Variants in INTS4 observed in about 807,000 individuals in gnomAD.
INTS4 encodes integrator complex subunit 4, also known as MSTP093.
In INTS4, 70 loss-of-function variants were observed where a neutral mutation model predicts 119.5. That is an observed-to-expected ratio of 0.59 (90% CI 0.48 to 0.71). The LOEUF (loss-of-function observed/expected upper bound fraction) is 0.71. Ranked by LOEUF, INTS4 falls within the 30% of genes least tolerant of loss-of-function variation. The pLI is 0.00. For missense variants in INTS4, 867 were observed against 1,173.2 expected, an observed-to-expected ratio of 0.74 and a Z score of 3.81; for synonymous variants, 316 against 419.6, an observed-to-expected ratio of 0.75 and a Z score of 3.02.
intron 4 of INTS4, chr11:77,977,822 G>C (rs1045819978): frequency 6.6e-6 from 1 of 151,564 alleles, no homozygotes; most frequent in East Asian, 1.9e-4. Flanking sequence ...TCCTCTCACA[G>C]GGGAGACGTA....
chr11:77,967,630 T>A (rs928064055), intron 4 of INTS4, among the ~76,000 whole-genome samples: 10 of 152,118 alleles, frequency 6.6e-5, no homozygotes, highest in Admixed American at 5.2e-4. Context: ...CATGAACAAG[T>A]CAAACGTCAT....
chr11:77,979,977 CAAAAAAAAA>C lies in INTS4; in HGVS notation c.365-884_365-876del, dbSNP rs1254017443. On this transcript the variant is annotated intron_variant, in intron 3 of 22. Coordinates refer to ENST00000534064, the MANE Select transcript of INTS4 (RefSeq NM_033547.4). ...TAGGCGACAGAGCAAGACTCCATCT[CAAAAAAAAA>C]AAAAAAAAGAAGAAACAGAAAAAAA... 3.3e-3 allele frequency among the ~76,000 whole-genome samples: 138 copies of C among 41,686 alleles called. No individual in the cohort carries two copies. In the Middle Eastern group the frequency reaches 0.071, roughly 22 times the overall value. The allele number at this position is 41,686 out of a possible 152,430, so 27.3% of individuals were successfully genotyped here. A position where few individuals can be genotyped will look rare whatever the true frequency, so the allele number is the denominator to read the frequency against.
At chr11:77,876,832 T>G (rs1951608281), downstream of INTS4, 2 of 598,060 alleles carry the variant, frequency 3.3e-6, no homozygotes, top group Non-Finnish European at 6.0e-6. Flanking sequence ...CTTGGAGGAT[T>G]TTTATAAAAG....
Position 77,964,915 on chromosome 11 carries a change from A to T in INTS4, c.472-3777T>A, listed in dbSNP as rs117102377. 4.8e-4 allele frequency among the ~76,000 whole-genome samples: 73 copies of T among 152,298 alleles called. No individual in the cohort carries two copies. The East Asian group carries it at 0.013, about 27-fold the overall frequency. On this transcript the variant is annotated intron_variant, in intron 4 of 22. Transcript: ENST00000534064. ...CACAAATTATCTATTTTTGATTTTA[A>T]TGTTTTATTATAGTCATAGTTATAT...
At position 77,969,217 on chromosome 11, in the gene INTS4, G is replaced by A. The variant is rs780807503; in HGVS notation, c.472-8079C>T. On this transcript the variant is annotated intron_variant, in intron 4 of 22. Transcript: ENST00000534064. ...CCCAGAGTGCTGGGATTACAAGTGT[G>A]AGCCACCATGCCAGGCCTGAAGTAT... Among the ~76,000 whole-genome samples the A allele has an allele frequency of 5.9e-5, 9 of 152,252 alleles. No individual in the cohort carries two copies. In the East Asian group the frequency reaches 7.7e-4, roughly 13 times the overall value.
intron 18 of INTS4, among the ~76,000 whole-genome samples, chr11:77,901,002 A>C (rs1952761628): frequency 6.6e-6 from 1 of 152,252 alleles, no homozygotes; most frequent in Non-Finnish European, 1.5e-5. Context: ...AGATTTGAAC[A>C]AAGTAGTCTG....
intron 10 of INTS4, among the ~76,000 whole-genome samples, chr11:77,938,138 C>T (rs1488836997): frequency 5.9e-5 from 9 of 151,894 alleles, no homozygotes; most frequent in Admixed American, 4.6e-4. Context: ...TGAGCCACCA[C>T]GCCTGGCCCA....
At chr11:77,924,232 T>TAA (rs71046926) in intron 12 of INTS4, among the ~76,000 whole-genome samples, 2,312 of 142,662 alleles carry the variant, frequency 0.016, 54 homozygotes, top group African/African-American at 0.054. Flanking sequence ...CCATCTCTAC[T>TAA]AAAAAAAAAA....
chr11:77,881,609 A>G (rs1565219715), intron 22 of INTS4, among the ~76,000 whole-genome samples: 1 of 152,242 alleles, frequency 6.6e-6, no homozygotes. Flanking sequence ...TCTAAAGATT[A>G]AATGAATTTT....
At chr11:77,982,224 C>T (rs1392663399) in intron 2 of INTS4, among the ~76,000 whole-genome samples, 2 of 151,544 alleles carry the variant, frequency 1.3e-5, no homozygotes, top group African/African-American at 4.9e-5. Flanking sequence ...GAGCCTTGAC[C>T]TCCTGAGCTC....
At chr11:77,944,314 T>C (rs1953998024) in intron 8 of INTS4, among the ~76,000 whole-genome samples, 1 of 152,206 alleles carries the variant, frequency 6.6e-6, no homozygotes, top group Non-Finnish European at 1.5e-5. Context: ...ATCCCCTATA[T>C]TGAACATTAC....
At chr11:77,912,623 T>A (rs1312114942) in intron 15 of INTS4, among the ~76,000 whole-genome samples, 7 of 152,216 alleles carry the variant, frequency 4.6e-5, no homozygotes, top group African/African-American at 7.2e-5. Flanking sequence ...TTCAATCTCT[T>A]AGAATCTCTA....
chr11:77,944,284 T>C (rs1953997067), intron 8 of INTS4, among the ~76,000 whole-genome samples: 1 of 152,196 alleles, frequency 6.6e-6, no homozygotes, highest in South Asian at 2.1e-4. Flanking sequence ...TGTTTTCCTC[T>C]CCAACTTACC....
chr11:77,940,454 G>A (rs944788151), intron 9 of INTS4, among the ~76,000 whole-genome samples: 5 of 152,018 alleles, frequency 3.3e-5, no homozygotes, highest in African/African-American at 4.8e-5. Flanking sequence ...AAAAAATGGC[G>A]TGGGGTTGGG....
At chr11:77,894,203 G>A (rs1263089860) in intron 19 of INTS4, 87 bp downstream of exon 19, 12 of 687,374 alleles carry the variant, frequency 1.7e-5, no homozygotes, top group Non-Finnish European at 2.5e-5. Context: ...ACCAAGGAAT[G>A]TGATTTGTGA....
intron 2 of INTS4, among the ~76,000 whole-genome samples, chr11:77,988,637 G>T (rs189336298): frequency 6.6e-6 from 1 of 152,126 alleles, no homozygotes; most frequent in Admixed American, 6.6e-5. Flanking sequence ...TCAATGTAAC[G>T]GTGACATTTG....
chr11:77,893,429 G>A (rs1449746613), intron 19 of INTS4, among the ~76,000 whole-genome samples: 1 of 151,890 alleles, frequency 6.6e-6, no homozygotes, highest in African/African-American at 2.4e-5. Flanking sequence ...AACACAGCAA[G>A]ACCCCATCTC....
At chr11:77,928,651 C>T (rs1302763168) in intron 10 of INTS4, 104 bp from the exon 11 acceptor site, 14 of 1,476,190 alleles carry the variant, frequency 9.5e-6, no homozygotes, top group Non-Finnish European at 1.2e-5. Flanking sequence ...CACTTGAGCC[C>T]GCCTATGCAA....
chr11:77,888,617 T>C (rs9667819), intron 21 of INTS4, among the ~76,000 whole-genome samples: 26,651 of 151,840 alleles, frequency 0.18, 2,879 homozygotes, highest in African/African-American at 0.29. Context: ...CAAAAGAAAC[T>C]ACCATCAGAG....
Sources: allele counts gnomAD v4.1 joint callset (sites outside exome capture counted in the v4.1 genomes callset), GRCh38; gene constraint gnomAD v4.1.1; transcripts MANE v1.5; gene names NCBI Gene and HGNC (gene_info 2026-07-23, HGNC 2026-07-21).